TTC21B: variants seen among roughly 807,000 people sequenced by gnomAD.
TTC21B encodes tetratricopeptide repeat domain 21B.
A neutral mutation model predicts 175.1 loss-of-function variants in TTC21B; 127 were observed. The ratio of observed to expected loss-of-function variants is 0.73; its 90% CI spans 0.63 to 0.84. The LOEUF is 0.84. Among genes scored for constraint, TTC21B ranks in the 40% least tolerant of loss-of-function variants. TTC21B has a pLI of 0.00. For synonymous variants in TTC21B, 524 were observed against 524.5 expected, an observed-to-expected ratio of 1.00 and a Z score of 0.01; for missense variants, 1,561 against 1,558.3, an observed-to-expected ratio of 1.00 and a Z score of -0.03.
intron 15 of TTC21B, among the ~76,000 whole-genome samples, chr2:165,914,698 T>TGTGTGTGTGTGTGTGTGTGTGTGTGG (rs71031214): frequency 1.5e-5 from 2 of 132,376 alleles, no homozygotes; most frequent in South Asian, 2.3e-4. Context: ...TGTGTGTGTG[T>TGTGTGTGTGTGTGTGTGTGTGTGTGG]TGTGTATCCC....
chr2:165,942,307 C>CA (rs1485744640), intron 5 of TTC21B, among the ~76,000 whole-genome samples: 2 of 150,434 alleles, frequency 1.3e-5, no homozygotes, highest in African/African-American at 2.4e-5. Context: ...TTTGCTGAGT[C>CA]AAAAAAAAAT....
At chr2:165,923,608 C>T (rs982128366) in intron 12 of TTC21B, among the ~76,000 whole-genome samples, 7 of 19,080 alleles carry the variant, frequency 3.7e-4, no homozygotes, top group African/African-American at 5.5e-4. Flanking sequence ...CCATGCCTGG[C>T]TAATTTCTTG....
In TTC21B at chr2:165,884,817, T is replaced by C. The variant is rs536975570; in HGVS notation, c.3460-799A>G. 5.3e-5 allele frequency among the ~76,000 whole-genome samples: 8 copies of C among 152,328 alleles called. No homozygotes were observed. The South Asian group carries it at 1.7e-3, about 32-fold the overall frequency. On this transcript the variant is annotated intron_variant, in intron 25 of 28. Transcript: ENST00000243344. ...AAGCAATAATGTGTATGTTCCTGAT[T>C]AAGGTAGGATGCTTCCTAAATTTCA... is the stretch of plus-strand genomic sequence containing the variant.
At chr2:165,946,597 G>C (rs949746524) in intron 3 of TTC21B, among the ~76,000 whole-genome samples, 57 of 152,274 alleles carry the variant, frequency 3.7e-4, no homozygotes, top group Non-Finnish European at 5.9e-4. Flanking sequence ...CAGCACTTTG[G>C]GAGGCCGAGG....
intron 27 of TTC21B, among the ~76,000 whole-genome samples, chr2:165,876,870 G>T (rs1684679670): frequency 6.6e-6 from 1 of 152,158 alleles, no homozygotes; most frequent in Admixed American, 6.5e-5. Flanking sequence ...ATGGATTAAG[G>T]CCAGTGGTAG....
intron 24 of TTC21B, among the ~76,000 whole-genome samples, chr2:165,889,009 G>A (rs573803057): frequency 3.4e-4 from 51 of 151,886 alleles, no homozygotes; most frequent in African/African-American, 1.2e-3. Context: ...AATCTACTCT[G>A]TTCTCTTCAC....
rs561372737 is a variant in TTC21B, at chr2:165,874,689, C to T, written c.*66G>A. ...GCACTGAGCTCAAACCTGTTTTGAA[C>T]AGGAAGAACTGAAAGTTAGATTTCT... On this transcript the variant is annotated 3_prime_UTR_variant, in exon 29 of 29. Transcript: ENST00000243344. 1.3e-5 allele frequency: 19 copies of T among 1,460,094 alleles called. 1 individual carries two copies. The highest frequency in any genetic ancestry group is 2.3e-5 in the East Asian group (1 of 43,872). The allele number at this position is 1,460,094 out of a possible 1,614,324, so 90.4% of individuals were successfully genotyped here.
chr2:165,909,541 A>G (rs1182473625), intron 18 of TTC21B, among the ~76,000 whole-genome samples: 1 of 152,174 alleles, frequency 6.6e-6, no homozygotes, highest in African/African-American at 2.4e-5. Flanking sequence ...AAAATAAGAT[A>G]TATAAACAAA....
chr2:165,901,984 A>G, intron 19 of TTC21B, 74 bp from the exon 20 acceptor site: 1 of 1,252,014 alleles, frequency 8.0e-7, no homozygotes, highest in Non-Finnish European at 1.1e-6. Context: ...CACACAGCAT[A>G]ATTTTACAGA....
chr2:165,892,793 G>A (rs1685240332), intron 22 of TTC21B, among the ~76,000 whole-genome samples: 1 of 152,138 alleles, frequency 6.6e-6, no homozygotes. Context: ...GGATAACGGT[G>A]ATGACTTACA....
At chr2:165,898,202 C>CTAGT (rs1181851720) in intron 22 of TTC21B, among the ~76,000 whole-genome samples, 1 of 152,102 alleles carries the variant, frequency 6.6e-6, no homozygotes, top group Non-Finnish European at 1.5e-5. Flanking sequence ...AGAGAGAGAA[C>CTAGT]TGTAAGAGTG....
chr2:165,891,838 A>G (rs980825290), intron 22 of TTC21B, among the ~76,000 whole-genome samples: 11 of 152,108 alleles, frequency 7.2e-5, no homozygotes, highest in African/African-American at 2.7e-4. Flanking sequence ...AAAGATTAGC[A>G]CATTTTGGTG....
Position 165,890,467 on chromosome 2 carries a change from C to A in TTC21B, c.3263+12G>T. The A allele has an allele frequency of 6.2e-7, 1 of 1,612,638 alleles. No individual in the cohort carries two copies. The highest frequency in any genetic ancestry group is 1.1e-5 in the South Asian group (1 of 90,990). Reference sequence around the variant, plus strand: ...TGTTTTTTAAAAAAGGATAATATGTCAAATAACTCACCCCAGGTCTCCATC... The same window carrying A: ...TGTTTTTTAAAAAAGGATAATATGTAAAATAACTCACCCCAGGTCTCCATC... On this transcript the variant is annotated intron_variant, in intron 24 of 28. Coordinates refer to ENST00000243344, the MANE Select transcript of TTC21B (RefSeq NM_024753.5).
At chr2:165,897,196 ATC>A (rs1235702919) in intron 22 of TTC21B, among the ~76,000 whole-genome samples, 1 of 152,216 alleles carries the variant, frequency 6.6e-6, no homozygotes, top group Non-Finnish European at 1.5e-5. Flanking sequence ...TTTCAGGGGT[ATC>A]TCTGCCATTT....
In TTC21B at chr2:165,892,521, G is replaced by A. The variant is rs1199831369; in HGVS notation, c.2951-1533C>T. Among the ~76,000 whole-genome samples, 5 of 152,114 alleles carry A rather than the reference G, an allele frequency of 3.3e-5. No individual in the cohort carries two copies. The South Asian group carries it at 1.0e-3, about 31-fold the overall frequency. On this transcript the variant is annotated intron_variant, in intron 22 of 28. Coordinates refer to ENST00000243344, the MANE Select transcript of TTC21B (RefSeq NM_024753.5). The stretch of plus-strand genomic sequence containing the variant: ...TAGTATGTACATATAAAGGAATATT[G>A]TATATTGTATGTCTGCCATAAAAAA...
At chr2:165,928,211 A>G (rs1479079138) in intron 11 of TTC21B, among the ~76,000 whole-genome samples, 16 of 152,188 alleles carry the variant, frequency 1.1e-4, no homozygotes, top group Non-Finnish European at 7.4e-5. Flanking sequence ...GACAATCATG[A>G]TCCACAAGGA....
intron 20 of TTC21B, 150 bp downstream of exon 20, chr2:165,901,572 C>G: frequency 1.4e-6 from 1 of 722,630 alleles, no homozygotes; most frequent in Non-Finnish European, 2.4e-6. Flanking sequence ...ATCCACATGC[C>G]TTGGCCTCCC....
intron 16 of TTC21B, among the ~76,000 whole-genome samples, chr2:165,913,100 G>A (rs999372581): frequency 4.0e-5 from 6 of 151,798 alleles, no homozygotes; most frequent in East Asian, 1.9e-4. Flanking sequence ...GTGCAGTGGC[G>A]CAATCTTGGC....
intron 12 of TTC21B, among the ~76,000 whole-genome samples, chr2:165,920,694 A>G (rs892482261): frequency 7.3e-6 from 1 of 137,634 alleles, no homozygotes; most frequent in Non-Finnish European, 1.6e-5. Flanking sequence ...AACAGAAATG[A>G]GAATCTTTGT....
Sources: allele counts gnomAD v4.1 joint callset (sites outside exome capture counted in the v4.1 genomes callset), GRCh38; gene constraint gnomAD v4.1.1; transcripts MANE v1.5; gene names NCBI Gene and HGNC (gene_info 2026-07-23, HGNC 2026-07-21).